Variants in CTSB observed in about 807,000 individuals in gnomAD.
The protein encoded by CTSB is cathepsin B.
A neutral mutation model predicts 44.3 loss-of-function variants in CTSB; 57 were observed. The observed-to-expected ratio is 1.29, with a 90% CI of 1.04 to 1.60. CTSB has a LOEUF of 1.60. Among genes scored for constraint, CTSB ranks in the 40% most tolerant of loss-of-function variants. CTSB has a pLI of 0.00. For missense variants in CTSB, 768 were observed against 443.0 expected, an observed-to-expected ratio of 1.73 and a Z score of -6.59; for synonymous variants, 320 against 168.0, an observed-to-expected ratio of 1.91 and a Z score of -7.00.
In CTSB at chr8:11,844,269, A is replaced by G. The variant is rs1320664023; in HGVS notation, c.*856T>C. On this transcript the variant is annotated 3_prime_UTR_variant, in exon 10 of 10. Transcript: ENST00000353047. ...GCAGGGACAAAGAGAGACAGCAGCT[A>G]CAAGTCTATAGGCAGTGACAAAGGA... The G allele has an allele frequency of 1.3e-5, 2 of 152,256 alleles. No homozygotes were observed. Among genetic ancestry groups the G allele is most frequent in the African/African-American group, 4.8e-5 (2 of 41,462 alleles). The allele number at this position is 152,256 out of a possible 1,614,324, so 9.4% of individuals were successfully genotyped here.
rs1813071973 is a variant in CTSB, at chr8:11,845,316, G to T, written c.923-94C>A. 3 of 954,864 alleles carry T rather than the reference G, an allele frequency of 3.1e-6. No homozygotes were observed. In the South Asian group the frequency reaches 4.3e-5, roughly 14 times the overall value. 59.1% of individuals were successfully genotyped at this position (954,864 alleles called of 1,614,324 possible). ...AAAAGACCTTAAGTCACTCATCCCT[G>T]GCCACTCCTGCTGTTGGCCCACTAG... is the stretch of plus-strand genomic sequence containing the variant. On this transcript the variant is annotated intron_variant, in intron 9 of 9. Coordinates refer to ENST00000353047, the MANE Select transcript of CTSB (RefSeq NM_001908.5).
At position 11,850,945 on chromosome 8, in the gene CTSB, C is replaced by G; in HGVS notation, c.248G>C (p.Ser83Thr). 1 of 1,613,374 alleles carries G rather than the reference C, an allele frequency of 6.2e-7. No individual in the cohort carries two copies. Among genetic ancestry groups the G allele is most frequent in the South Asian group, 1.1e-5 (1 of 91,006 alleles). ...MFTEDLKLPA[S>T]FDAREQWPQC... Reference sequence around the variant, plus strand: ...TGGCCATTGTTCCCGTGCATCGAAGCTTGCAGGCAGCTTCAGGTCCTCGGT... The same window carrying G: ...TGGCCATTGTTCCCGTGCATCGAAGGTTGCAGGCAGCTTCAGGTCCTCGGT... Residue 83 changes from serine to threonine, a missense_variant, in exon 4 of 10, where the codon AGC becomes ACC. By Grantham distance (58) the Ser-to-Thr change is moderately conservative (BLOSUM62 1). Coordinates refer to ENST00000353047, the MANE Select transcript of CTSB (RefSeq NM_001908.5).
chr8:11,845,524 C>T lies in CTSB; in HGVS notation c.922+137G>A, dbSNP rs114619491. On this transcript the variant is annotated intron_variant, in intron 9 of 9. Transcript: ENST00000353047. ...CAAAAGGGAACTCCTGACTGCCTGGCACTTAGGAGGAGCTCACAGCCTGGC... is the reference window on the plus strand; with the variant it reads ...CAAAAGGGAACTCCTGACTGCCTGGTACTTAGGAGGAGCTCACAGCCTGGC... 2,390 of 1,066,822 alleles carry T rather than the reference C, an allele frequency of 2.2e-3. 39 individuals are homozygous for T. The African/African-American group carries it at 0.033, about 15-fold the overall frequency. The allele number at this position is 1,066,822 out of a possible 1,614,324, so 66.1% of individuals were successfully genotyped here.
At position 11,844,227 on chromosome 8, in the gene CTSB, C is replaced by T. The variant is rs1018183543; in HGVS notation, c.*898G>A. On this transcript the variant is annotated 3_prime_UTR_variant, in exon 10 of 10. Coordinates refer to ENST00000353047, the MANE Select transcript of CTSB (RefSeq NM_001908.5). Reference sequence around the variant, plus strand: ...CCAAGAGTCGCAAGAACATGCAGTTCCAGGACGTGATTCTCTGCAGGGACA... The same window carrying T: ...CCAAGAGTCGCAAGAACATGCAGTTTCAGGACGTGATTCTCTGCAGGGACA... 5 of 152,138 alleles carry T rather than the reference C, an allele frequency of 3.3e-5. No homozygotes were observed. The highest frequency in any genetic ancestry group is 7.2e-5 in the African/African-American group (3 of 41,412). The allele number at this position is 152,138 out of a possible 1,614,324, so 9.4% of individuals were successfully genotyped here.
chr8:11,864,899 T>G (rs1563439716), intron 1 of CTSB, among the ~76,000 whole-genome samples: 1 of 63,500 alleles, frequency 1.6e-5, no homozygotes, highest in African/African-American at 8.9e-5. Flanking sequence ...GGTGACAGAG[T>G]GAAACTGTCT....
intron 1 of CTSB, among the ~76,000 whole-genome samples, chr8:11,857,054 C>T (rs752420179): frequency 1.3e-5 from 2 of 152,150 alleles, no homozygotes; most frequent in Non-Finnish European, 2.9e-5. Flanking sequence ...ATGGGAGTCT[C>T]GCTCTGTGGC....
intron 3 of CTSB, 63 bp from the exon 4 acceptor site, chr8:11,851,043 A>C: frequency 6.4e-6 from 8 of 1,250,988 alleles, no homozygotes; most frequent in Middle Eastern, 1.9e-4. Context: ...AATCCCTGCA[A>C]AGGCCACTTT....
rs1201667345 is a variant in CTSB, at chr8:11,842,945, T to TTA, written c.*2179_*2180insTA. 2.1e-5 allele frequency: 3 copies of TTA among 140,020 alleles called. No homozygotes were observed. Among genetic ancestry groups the TTA allele is most frequent in the African/African-American group, 8.5e-5 (3 of 35,464 alleles). The allele number at this position is 140,020 out of a possible 1,614,324, so 8.7% of individuals were successfully genotyped here. A position where few individuals can be genotyped will look rare whatever the true frequency, so the allele number is the denominator to read the frequency against. On this transcript the variant is annotated 3_prime_UTR_variant, in exon 10 of 10. Coordinates refer to ENST00000353047, the MANE Select transcript of CTSB (RefSeq NM_001908.5). ...AGCCACTGCGCCCGGCCTTTTTTTTTTTTTTTTTTTTTTTAATTATTGAGA... is the reference window on the plus strand; with the variant it reads ...AGCCACTGCGCCCGGCCTTTTTTTTTTATTTTTTTTTTTTTTAATTATTGAGA...
chr8:11,866,045 A>G (rs1244740707), intron 1 of CTSB, among the ~76,000 whole-genome samples: 1 of 151,632 alleles, frequency 6.6e-6, no homozygotes, highest in Non-Finnish European at 1.5e-5. Flanking sequence ...AAGAAAAAGA[A>G]ATTAAGAAAG....
chr8:11,846,668 G>A (rs1010783735), intron 8 of CTSB, among the ~76,000 whole-genome samples: 16 of 152,110 alleles, frequency 1.1e-4, no homozygotes, highest in African/African-American at 7.2e-5. Flanking sequence ...AAACACGAAC[G>A]GCCTGCCATT....
At chr8:11,852,733 G>A in intron 2 of CTSB, 38 bp from the exon 3 acceptor site, 2 of 1,572,404 alleles carry the variant, frequency 1.3e-6, no homozygotes, top group South Asian at 1.1e-5. Flanking sequence ...GGGTCTCCCG[G>A]GATGGCGGTG....
chr8:11,861,360 C>T (rs747053401), intron 1 of CTSB: 1 of 152,542 alleles, frequency 6.6e-6, no homozygotes, highest in Non-Finnish European at 1.5e-5. Context: ...ACCTCCCTCA[C>T]CTGAACCAGG....
intron 1 of CTSB, among the ~76,000 whole-genome samples, chr8:11,859,807 G>A (rs1255879876): frequency 7.2e-6 from 1 of 138,126 alleles, no homozygotes; most frequent in South Asian, 2.3e-4. Flanking sequence ...GGACACAATG[G>A]CTCACGCATG....
At chr8:11,867,584 G>C (rs1358233089) in intron 1 of CTSB, 3 of 152,236 alleles carry the variant, frequency 2.0e-5, no homozygotes, top group African/African-American at 7.2e-5. Flanking sequence ...GATTATGTCG[G>C]CAGTTTGGCC....
intron 1 of CTSB, among the ~76,000 whole-genome samples, chr8:11,866,963 T>G (rs1817243681): frequency 6.6e-6 from 1 of 152,188 alleles, no homozygotes; most frequent in Non-Finnish European, 1.5e-5. Context: ...TTTTCCAGGC[T>G]ACAAAAAGGT....
intron 1 of CTSB, chr8:11,862,416 C>T (rs570015889): frequency 6.6e-6 from 1 of 152,188 alleles, no homozygotes; most frequent in African/African-American, 2.4e-5. Context: ...AAAGCCATCT[C>T]CTTATACATA....
chr8:11,845,531 G>T, intron 9 of CTSB, 130 bp downstream of exon 9: 1 of 1,144,010 alleles, frequency 8.7e-7, no homozygotes, highest in African/African-American at 1.5e-5. Context: ...TGGCACTTAG[G>T]AGGAGCTCAC....
chr8:11,848,490 A>G (rs1813885706), intron 5 of CTSB: 2 of 411,420 alleles, frequency 4.9e-6, no homozygotes, highest in Non-Finnish European at 9.3e-6. Context: ...TAAGGTACTT[A>G]AAAACACCAC....
rs778399156 is a variant in CTSB, at chr8:11,848,246, G to A, written c.447-94C>T. The A allele has an allele frequency of 3.7e-6, 4 of 1,082,100 alleles. No homozygotes were observed. The Admixed American group carries it at 7.1e-5, about 19-fold the overall frequency. The allele number at this position is 1,082,100 out of a possible 1,614,324, so 67.0% of individuals were successfully genotyped here. On this transcript the variant is annotated intron_variant, in intron 5 of 9. Transcript: ENST00000353047. ...ACCCAAGTGCCCGAGGCCACTCGTG[G>A]ACCCACCCCCAGCTGCAGCAAGTGG...
Sources: allele counts gnomAD v4.1 joint callset (sites outside exome capture counted in the v4.1 genomes callset), GRCh38; gene constraint gnomAD v4.1.1; transcripts MANE v1.5; gene names NCBI Gene and HGNC (gene_info 2026-07-23, HGNC 2026-07-21).